The following DISC1 variants were observed in gnomAD, a reference collection of about 807,000 sequenced individuals.
The protein encoded by DISC1 is DISC1 scaffold protein.
DISC1 carries 57 observed loss-of-function variants against 84.5 expected under a neutral mutation model. The ratio of observed to expected loss-of-function variants is 0.67; its 90% CI spans 0.55 to 0.84. The LOEUF (loss-of-function observed/expected upper bound fraction) is 0.84. DISC1 is among the 40% of genes least tolerant of loss of function. The pLI is 0.00. For synonymous variants in DISC1, 411 were observed against 415.2 expected (o/e 0.99, Z 0.12); for missense variants, 1,000 against 1,057.8 (o/e 0.95, Z 0.76).
chr1:231,660,648 T>C (rs2061497715), intron 1 of DISC1, among the ~76,000 whole-genome samples: 1 of 152,034 alleles, frequency 6.6e-6, no homozygotes, highest in South Asian at 2.1e-4. Context: ...AGAGATGGGG[T>C]TTCACCATGT....
At chr1:231,879,700 A>G (rs1465700500) in intron 9 of DISC1, among the ~76,000 whole-genome samples, 1 of 151,876 alleles carries the variant, frequency 6.6e-6, no homozygotes, top group African/African-American at 2.4e-5. Flanking sequence ...AGGAGAGGGG[A>G]GAGGTGACAA....
chr1:231,750,594 C>T, intron 4 of DISC1: 1 of 985,388 alleles, frequency 1.0e-6, no homozygotes, highest in African/African-American at 1.7e-5. Context: ...GCTTGTGGTC[C>T]TGGCTGCATG....
At chr1:231,997,416 A>G (rs1391839428) in intron 10 of DISC1, among the ~76,000 whole-genome samples, 1 of 152,204 alleles carries the variant, frequency 6.6e-6, no homozygotes, top group Non-Finnish European at 1.5e-5. Context: ...AAAAAATAAC[A>G]GAGAACTCCT....
At chr1:231,947,616 T>C (rs964631171) in intron 9 of DISC1, among the ~76,000 whole-genome samples, 1 of 152,166 alleles carries the variant, frequency 6.6e-6, no homozygotes, top group Admixed American at 6.5e-5. Flanking sequence ...TGGGATCTAA[T>C]TAAACTAAAG....
chr1:231,648,320 TG>T (rs991299697), intron 1 of DISC1, among the ~76,000 whole-genome samples: 1 of 152,196 alleles, frequency 6.6e-6, no homozygotes, highest in African/African-American at 2.4e-5. Context: ...GATAATCATG[TG>T]TTTTTTTTCA....
At chr1:231,948,325 A>G (rs1289766815) in intron 9 of DISC1, among the ~76,000 whole-genome samples, 1 of 152,188 alleles carries the variant, frequency 6.6e-6, no homozygotes, top group Non-Finnish European at 1.5e-5. Flanking sequence ...TGAAGCTCGA[A>G]ACCACCATTC....
chr1:231,666,646 C>T (rs945638300), intron 1 of DISC1, among the ~76,000 whole-genome samples: 2 of 152,200 alleles, frequency 1.3e-5, no homozygotes, highest in African/African-American at 4.8e-5. Flanking sequence ...CTGCCCACCC[C>T]TCCCTACATA....
At chr1:231,894,576 T>C (rs1213766732) in intron 9 of DISC1, among the ~76,000 whole-genome samples, 1 of 152,156 alleles carries the variant, frequency 6.6e-6, no homozygotes, top group Non-Finnish European at 1.5e-5. Context: ...TTCTGTATTT[T>C]CTTCTAATTT....
At chr1:231,895,440 A>G (rs1000398814) in intron 9 of DISC1, among the ~76,000 whole-genome samples, 12 of 151,952 alleles carry the variant, frequency 7.9e-5, no homozygotes, top group African/African-American at 2.9e-4. Flanking sequence ...GTATATATAT[A>G]TATATGAGAG....
chr1:231,773,911 GGGTA>G (rs2076755479), intron 6 of DISC1, among the ~76,000 whole-genome samples: 1 of 152,094 alleles, frequency 6.6e-6, no homozygotes, highest in Admixed American at 6.5e-5. Context: ...AGGAAAACCT[GGGTA>G]TCTCAAGGAC....
intron 9 of DISC1, among the ~76,000 whole-genome samples, chr1:231,888,813 A>G (rs1347288164): frequency 2.7e-5 from 4 of 150,734 alleles, no homozygotes; most frequent in African/African-American, 4.9e-5. Context: ...CTGAGCACCC[A>G]TGCCCTTGGG....
At chr1:232,018,514 T>G (rs973359663) in intron 11 of DISC1, among the ~76,000 whole-genome samples, 3 of 152,218 alleles carry the variant, frequency 2.0e-5, no homozygotes, top group Non-Finnish European at 4.4e-5. Flanking sequence ...AAAGTCACTT[T>G]AATGGGAAAA....
At position 231,761,919 on chromosome 1, in the gene DISC1, A is replaced by C. The variant is rs866674850; in HGVS notation, c.1269-5221A>C. Among the ~76,000 whole-genome samples, 19 of 105,110 alleles carry C rather than the reference A, an allele frequency of 1.8e-4. No homozygotes were observed. The South Asian group carries it at 5.9e-3, about 33-fold the overall frequency. 69.0% of individuals were successfully genotyped at this position (105,110 alleles called of 152,430 possible). On this transcript the variant is annotated intron_variant, in intron 4 of 12. Coordinates refer to ENST00000439617, the MANE Select transcript of DISC1 (RefSeq NM_018662.3). ...CTCAGTCCCTTCCCTCCAGGTTCAC[A>C]GTCAGGAACGAGTAACTGCAAACAG...
At chr1:231,817,003 A>T (rs139337378) in intron 8 of DISC1, among the ~76,000 whole-genome samples, 38 of 150,032 alleles carry the variant, frequency 2.5e-4, no homozygotes, top group Non-Finnish European at 4.3e-4. Flanking sequence ...GGGACTTGCT[A>T]TGTTGCCCAG....
Position 231,705,763 on chromosome 1 carries a change from G to T in DISC1, c.1117+3739G>T, listed in dbSNP as rs148602528. 2.8e-4 allele frequency among the ~76,000 whole-genome samples: 43 copies of T among 152,208 alleles called. No individual in the cohort carries two copies. In the South Asian group the frequency reaches 5.2e-3, roughly 18 times the overall value. On this transcript the variant is annotated intron_variant, in intron 3 of 12. Transcript: ENST00000439617. The stretch of plus-strand genomic sequence containing the variant: ...TGAGGGTAACTATTAAACATTTTAA[G>T]AATTGTTGAGTTTTTTTTCATAGTT...
intron 9 of DISC1, among the ~76,000 whole-genome samples, chr1:231,888,141 T>C (rs2086908178): frequency 6.6e-6 from 1 of 152,070 alleles, no homozygotes; most frequent in Non-Finnish European, 1.5e-5. Context: ...CCCCTAAAAA[T>C]AGTTACTTGT....
intron 3 of DISC1, among the ~76,000 whole-genome samples, chr1:231,717,051 A>T (rs2068841224): frequency 6.6e-6 from 1 of 152,096 alleles, no homozygotes; most frequent in Non-Finnish European, 1.5e-5. Flanking sequence ...CAAGCTCTGC[A>T]GTTTGTGTTT....
At chr1:231,684,169 T>C (rs1005907187) in intron 1 of DISC1, among the ~76,000 whole-genome samples, 2 of 152,052 alleles carry the variant, frequency 1.3e-5, no homozygotes, top group Non-Finnish European at 2.9e-5. Flanking sequence ...TTTGCTAACT[T>C]GCCCAGGCTG....
intron 9 of DISC1, among the ~76,000 whole-genome samples, chr1:231,917,050 G>A (rs998075025): frequency 9.9e-5 from 15 of 152,096 alleles, no homozygotes; most frequent in Non-Finnish European, 2.1e-4. Flanking sequence ...TTCGGGGTAC[G>A]ACATAGAAAT....
Sources: allele counts gnomAD v4.1 joint callset (sites outside exome capture counted in the v4.1 genomes callset), GRCh38; gene constraint gnomAD v4.1.1; transcripts MANE v1.5; gene names NCBI Gene and HGNC (gene_info 2026-07-23, HGNC 2026-07-21).